TXNL4A: variants seen among roughly 807,000 people sequenced by gnomAD.
TXNL4A encodes the protein thioredoxin like 4A.
Under a neutral mutation model 14.6 loss-of-function variants are expected in TXNL4A, and 17 were observed. The observed-to-expected ratio is 1.16, with a 90% CI of 0.80 to 1.74. TXNL4A has a LOEUF of 1.74. Among genes scored for constraint, TXNL4A ranks in the 40% most tolerant of loss-of-function variants. The pLI is 0.00. For synonymous variants in TXNL4A, 83 were observed against 70.6 expected, an observed-to-expected ratio of 1.18 and a Z score of -0.88; for missense variants, 74 against 195.2, an observed-to-expected ratio of 0.38 and a Z score of 3.70.
intron 1 of TXNL4A, among the ~76,000 whole-genome samples, chr18:80,005,482 T>C (rs1369284003): frequency 6.6e-6 from 1 of 152,248 alleles, no homozygotes; most frequent in African/African-American, 2.4e-5. Flanking sequence ...TTTTAGGATA[T>C]GTTTTTCAGG....
chr18:80,001,756 AC>A (rs1439216618), intron 1 of TXNL4A, among the ~76,000 whole-genome samples: 1 of 152,164 alleles, frequency 6.6e-6, no homozygotes, highest in African/African-American at 2.4e-5. Flanking sequence ...GGCTGTATTT[AC>A]CCAATGACTA....
At chr18:79,993,463 T>G (rs1251713142), upstream of TXNL4A, among the ~76,000 whole-genome samples, 5 of 152,232 alleles carry the variant, frequency 3.3e-5, no homozygotes, top group Admixed American at 3.3e-4. This position sits in a 1 kb window ranked among gnomAD's most constrained non-coding sequence, Gnocchi z 4.4. Context: ...GGATTTTGTC[T>G]TGCAAATTCT....
upstream of TXNL4A, among the ~76,000 whole-genome samples, chr18:79,993,108 A>G (rs1306593669): frequency 5.3e-5 from 8 of 151,852 alleles, no homozygotes; most frequent in African/African-American, 1.7e-4. This position sits in a 1 kb window ranked among gnomAD's most constrained non-coding sequence, Gnocchi z 4.4. Flanking sequence ...TGGTCTCATC[A>G]TTTTTTTCGA....
intron 1 of TXNL4A, 108 bp from the exon 2 acceptor site, chr18:79,977,809 A>G (rs1210861054): frequency 1.4e-6 from 1 of 719,702 alleles, no homozygotes; most frequent in African/African-American, 1.9e-5. Context: ...GATCAGGGCA[A>G]TTTTTGTTTT....
chr18:80,013,127 T>A (rs2145117309), intron 1 of TXNL4A, among the ~76,000 whole-genome samples: 1 of 150,672 alleles, frequency 6.6e-6, no homozygotes, highest in Admixed American at 6.6e-5. Flanking sequence ...AAAAAATTTT[T>A]TTTTTTTTTT....
At chr18:80,019,755 G>C (rs1001940227) in intron 1 of TXNL4A, among the ~76,000 whole-genome samples, 1 of 152,112 alleles carries the variant, frequency 6.6e-6, no homozygotes, top group African/African-American at 2.4e-5. Context: ...CCCAAGTATG[G>C]TTCTTTTCCT....
At chr18:79,980,991 A>G (rs536191461) in intron 1 of TXNL4A, among the ~76,000 whole-genome samples, 6 of 152,376 alleles carry the variant, frequency 3.9e-5, no homozygotes, top group African/African-American at 1.4e-4. Context: ...TCAGGTTGCC[A>G]GAATCCAGCT....
chr18:79,979,825 T>G (rs181227301), intron 1 of TXNL4A, among the ~76,000 whole-genome samples: 1 of 152,216 alleles, frequency 6.6e-6, no homozygotes, highest in Non-Finnish European at 1.5e-5. Context: ...TAAAGACAAA[T>G]TCCTAAAATT....
At chr18:80,023,355 G>T (rs1035580201) in intron 1 of TXNL4A, among the ~76,000 whole-genome samples, 5 of 152,186 alleles carry the variant, frequency 3.3e-5, no homozygotes, top group African/African-American at 1.2e-4. Flanking sequence ...AGAAGTTTGG[G>T]GAAGAGGGCT....
Position 79,988,437 on chromosome 18 carries a change from G to C in TXNL4A, c.-45C>G. 11 of 1,382,460 alleles carry C rather than the reference G, an allele frequency of 8.0e-6. No homozygotes were observed. The highest frequency in any genetic ancestry group is 1.0e-5 in the Non-Finnish European group (11 of 1,050,344). The allele number at this position is 1,382,460 out of a possible 1,614,324, so 85.6% of individuals were successfully genotyped here. A position where few individuals can be genotyped will look rare whatever the true frequency, so the allele number is the denominator to read the frequency against. On this transcript the variant is annotated 5_prime_UTR_variant, in exon 1 of 3. Transcript: ENST00000269601. Reference sequence around the variant, plus strand: ...GCCGCCCAAGGCGGGGCGCCAGGGAGGGCCCAGCGAGGTGGGCTCAGCCGG... The same window carrying C: ...GCCGCCCAAGGCGGGGCGCCAGGGACGGCCCAGCGAGGTGGGCTCAGCCGG...
In TXNL4A at chr18:80,023,371, G is replaced by A. The variant is rs534569193; in HGVS notation, c.-61+10480C>T. On this transcript the variant is annotated intron_variant, in intron 1 of 2. Transcript: ENST00000585474. ...GAAGTTTGGGGAAGAGGGCTGACAG[G>A]GCTTCCCATGGAGAAAAATCCTATT... Among the ~76,000 whole-genome samples the A allele has an allele frequency of 3.9e-5, 6 of 152,226 alleles. No homozygotes were observed. In the South Asian group the frequency reaches 1.0e-3, roughly 26 times the overall value.
At chr18:79,984,166 C>G (rs2051507951) in intron 1 of TXNL4A, among the ~76,000 whole-genome samples, 2 of 152,190 alleles carry the variant, frequency 1.3e-5, no homozygotes, top group African/African-American at 4.8e-5. Flanking sequence ...GATTCCTCAT[C>G]TAGCTGAGTG....
At chr18:79,983,644 G>T (rs956144005) in intron 1 of TXNL4A, among the ~76,000 whole-genome samples, 1 of 152,154 alleles carries the variant, frequency 6.6e-6, no homozygotes. Context: ...GGTAATTCAT[G>T]TCAAAGCCAT....
intron 1 of TXNL4A, among the ~76,000 whole-genome samples, chr18:80,007,587 C>T (rs557933631): frequency 1.3e-5 from 2 of 152,040 alleles, no homozygotes; most frequent in African/African-American, 4.8e-5. Flanking sequence ...TCTTTGATTT[C>T]ACTTCCTTGG....
At chr18:79,995,247 T>A (rs1467393619) in intron 1 of TXNL4A, 1 of 152,192 alleles carries the variant, frequency 6.6e-6, no homozygotes, top group Admixed American at 6.5e-5. Flanking sequence ...TAAAGCTAAG[T>A]GGCTGGAAAA....
chr18:79,987,444 A>G (rs372194630), intron 1 of TXNL4A, among the ~76,000 whole-genome samples: 4 of 152,330 alleles, frequency 2.6e-5, no homozygotes, highest in African/African-American at 7.2e-5. Context: ...ATTAAAAGGA[A>G]TAACCTCTCA....
At chr18:80,029,326 A>G (rs182066664) in intron 1 of TXNL4A, among the ~76,000 whole-genome samples, 1 of 152,270 alleles carries the variant, frequency 6.6e-6, no homozygotes, top group Non-Finnish European at 1.5e-5. Context: ...AAAGTCGCCC[A>G]GGGTCACTTT....
chr18:79,996,174 A>C (rs1163312292), intron 1 of TXNL4A, among the ~76,000 whole-genome samples: 3 of 151,908 alleles, frequency 2.0e-5, no homozygotes, highest in Non-Finnish European at 4.4e-5. Context: ...AAATGAAAGA[A>C]AAGACAAGAA....
chr18:79,998,739 G>A (rs1003052937), intron 1 of TXNL4A, among the ~76,000 whole-genome samples: 1 of 149,146 alleles, frequency 6.7e-6, no homozygotes, highest in African/African-American at 2.5e-5. Flanking sequence ...TACTCAACGT[G>A]TGTCTGTCAA....
Sources: allele counts gnomAD v4.1 joint callset (sites outside exome capture counted in the v4.1 genomes callset), GRCh38; gene constraint gnomAD v4.1.1; non-coding constraint Gnocchi (gnomAD v3.1); transcripts MANE v1.5; gene names NCBI Gene and HGNC (gene_info 2026-07-23, HGNC 2026-07-21).